INPP4B: variants seen among roughly 807,000 people sequenced by gnomAD.
INPP4B encodes inositol polyphosphate-4-phosphatase type II B.
Under a neutral mutation model 122.5 loss-of-function variants are expected in INPP4B, and 55 were observed. That is an observed-to-expected ratio of 0.45 (90% confidence interval 0.36 to 0.56). INPP4B has a LOEUF of 0.56. INPP4B is among the 20% of genes least tolerant of loss of function. The probability of loss-of-function intolerance (pLI) is 0.00; values close to 1 mark genes in which losing one functional copy is unlikely to be tolerated. For missense variants in INPP4B, 1,000 were observed against 1,097.7 expected, an observed-to-expected ratio of 0.91 and a Z score of 1.26; for synonymous variants, 403 against 388.7, an observed-to-expected ratio of 1.04 and a Z score of -0.43.
chr4:142,845,729 C>CGGT (rs66916429), intron 1 of INPP4B, among the ~76,000 whole-genome samples: 2 of 132,562 alleles, frequency 1.5e-5, no homozygotes, highest in Non-Finnish European at 1.7e-5. Flanking sequence ...CTTCCCAGGC[C>CGGT]GGCGGCGGCG....
At chr4:142,173,241 T>C (rs1438877049) in intron 16 of INPP4B, among the ~76,000 whole-genome samples, 1 of 151,934 alleles carries the variant, frequency 6.6e-6, no homozygotes, top group Non-Finnish European at 1.5e-5. Context: ...TCAAATGAAG[T>C]GGCATTCCTA....
At chr4:142,837,657 C>A (rs184390411) in intron 1 of INPP4B, among the ~76,000 whole-genome samples, 1,733 of 152,068 alleles carry the variant, frequency 0.011, 19 homozygotes, top group Middle Eastern at 0.054. Flanking sequence ...TTCCAATTAA[C>A]AAACTTTAAA....
intron 23 of INPP4B, 104 bp downstream of exon 23, chr4:142,107,989 C>A (rs1788008179): frequency 3.1e-6 from 2 of 640,662 alleles, no homozygotes; most frequent in South Asian, 1.9e-5. Flanking sequence ...ACTCTCACAT[C>A]CCTACCCCTG....
At chr4:142,713,379 A>G (rs1028099637) in intron 2 of INPP4B, among the ~76,000 whole-genome samples, 4 of 152,230 alleles carry the variant, frequency 2.6e-5, no homozygotes, top group African/African-American at 9.6e-5. Context: ...AGAGGAGGCT[A>G]GTAAGTTCAC....
intron 1 of INPP4B, among the ~76,000 whole-genome samples, chr4:142,774,551 A>T (rs1469748854): frequency 6.6e-6 from 1 of 152,104 alleles, no homozygotes; most frequent in African/African-American, 2.4e-5. Context: ...ATTTGAAGGC[A>T]GTAATTATAA....
chr4:142,254,091 G>T (rs925600580), intron 11 of INPP4B, among the ~76,000 whole-genome samples: 7 of 152,098 alleles, frequency 4.6e-5, no homozygotes, highest in Admixed American at 4.6e-4. Context: ...CCCAGCAGGG[G>T]CAGACTGACA....
At chr4:142,806,849 A>G (rs556614100) in intron 1 of INPP4B, among the ~76,000 whole-genome samples, 32 of 150,026 alleles carry the variant, frequency 2.1e-4, no homozygotes, top group Middle Eastern at 3.4e-3. Context: ...GAAAGAAAGA[A>G]AGGAGAAGAA....
chr4:142,066,896 G>A (rs1371168877), intron 25 of INPP4B, among the ~76,000 whole-genome samples: 1 of 152,236 alleles, frequency 6.6e-6, no homozygotes, highest in Non-Finnish European at 1.5e-5. Context: ...ACCTCTGGGG[G>A]CAGGGCATAG....
At chr4:142,330,553 G>A (rs572237261) in intron 7 of INPP4B, among the ~76,000 whole-genome samples, 14 of 152,022 alleles carry the variant, frequency 9.2e-5, no homozygotes, top group South Asian at 6.2e-4. Context: ...ACATACACGC[G>A]CACGCACACA....
intron 18 of INPP4B, among the ~76,000 whole-genome samples, chr4:142,127,171 C>G (rs1269992038): frequency 6.6e-6 from 1 of 152,166 alleles, no homozygotes; most frequent in East Asian, 1.9e-4. Context: ...TGTATAGTTC[C>G]CAAACAGCAT....
intron 1 of INPP4B, among the ~76,000 whole-genome samples, chr4:142,765,522 C>A (rs1771980957): frequency 6.6e-6 from 1 of 152,080 alleles, no homozygotes; most frequent in African/African-American, 2.4e-5. Flanking sequence ...GAAGGTGGTC[C>A]TTGTAATTGA....
intron 7 of INPP4B, among the ~76,000 whole-genome samples, chr4:142,342,181 C>G (rs1778913806): frequency 6.6e-6 from 1 of 152,090 alleles, no homozygotes; most frequent in South Asian, 2.1e-4. Flanking sequence ...ACATACAGCC[C>G]AGGACCTGGT....
intron 2 of INPP4B, among the ~76,000 whole-genome samples, chr4:142,720,776 T>A (rs1764486539): frequency 1.4e-3 from 17 of 12,312 alleles, no homozygotes; most frequent in African/African-American, 4.2e-3. Context: ...TCTCTCTCTC[T>A]CTCTCTCTCT....
At chr4:142,180,351 G>A (rs1186603040) in intron 15 of INPP4B, among the ~76,000 whole-genome samples, 1 of 151,974 alleles carries the variant, frequency 6.6e-6, no homozygotes, top group Non-Finnish European at 1.5e-5. Flanking sequence ...ACATATACAA[G>A]CCATTTTATT....
At chr4:142,383,427 G>A (rs1794884479) in intron 7 of INPP4B, among the ~76,000 whole-genome samples, 1 of 152,146 alleles carries the variant, frequency 6.6e-6, no homozygotes, top group Non-Finnish European at 1.5e-5. Context: ...CCTAGGCTAT[G>A]AGGTTGTGGG....
chr4:142,765,841 G>C (rs1239304611), intron 1 of INPP4B: 4 of 126,240 alleles, frequency 3.2e-5, no homozygotes, highest in African/African-American at 1.2e-4. Context: ...AAAAGCTTCT[G>C]GTTTTTTTTT....
chr4:142,317,519 G>T, intron 7 of INPP4B: 1 of 242,064 alleles, frequency 4.1e-6, no homozygotes. Context: ...GTGTTGTCCT[G>T]GTTGTCCCTC....
At chr4:142,688,075 A>T (rs774068265) in intron 2 of INPP4B, among the ~76,000 whole-genome samples, 2 of 152,050 alleles carry the variant, frequency 1.3e-5, no homozygotes, top group Non-Finnish European at 2.9e-5. Flanking sequence ...ATAGATACCA[A>T]AGCTGTACTC....
intron 1 of INPP4B, among the ~76,000 whole-genome samples, chr4:142,830,624 G>A (rs1781999771): frequency 6.6e-6 from 1 of 151,976 alleles, no homozygotes; most frequent in Non-Finnish European, 1.5e-5. Flanking sequence ...AAGGAATAAT[G>A]GCCACATAGA....
Sources: gnomAD v4.1 joint callset for allele counts (sites outside exome capture counted in the v4.1 genomes callset) on GRCh38, gnomAD v4.1.1 for gene constraint, MANE v1.5 for transcripts, NCBI Gene and HGNC (gene_info 2026-07-23, HGNC 2026-07-21) for gene names.